CYB5R4: variants seen among roughly 807,000 people sequenced by gnomAD.
The protein encoded by CYB5R4 is N-terminal cytochrome b5 and cytochrome b5 oxidoreductase domain-containing protein.
In CYB5R4, 55 loss-of-function variants were observed where a neutral mutation model predicts 70.2. That is an observed-to-expected ratio of 0.78 (90% CI 0.63 to 0.98). The LOEUF is 0.98. Ranked by LOEUF, CYB5R4 falls within the 50% of genes least tolerant of loss-of-function variation. CYB5R4 has a pLI of 0.00. For missense variants in CYB5R4, 562 were observed against 612.6 expected, an observed-to-expected ratio of 0.92 and a Z score of 0.87; for synonymous variants, 197 against 199.5, an observed-to-expected ratio of 0.99 and a Z score of 0.11.
At chr6:83,919,182 G>A (rs2099465971) in intron 6 of CYB5R4, among the ~76,000 whole-genome samples, 2 of 152,090 alleles carry the variant, frequency 1.3e-5, no homozygotes, top group African/African-American at 4.8e-5. Flanking sequence ...ACTCAAGTGG[G>A]AATACATGGA....
At chr6:83,934,823 AAG>A (rs1426418218) in intron 11 of CYB5R4, 88 bp downstream of exon 11, 1 of 1,226,956 alleles carries the variant, frequency 8.2e-7, no homozygotes, top group Non-Finnish European at 1.1e-6. Context: ...ACAACCATTT[AAG>A]TTATTAATAA....
rs1562850847 is a variant in CYB5R4 at position 83,965,948 on chromosome 6, CGCCATGATTCTGAG to C, written c.*6074_*6087del. The C allele has an allele frequency of 2.8e-4, 43 of 152,374 alleles. No individual in the cohort carries two copies. The highest frequency in any genetic ancestry group is 1.0e-3 in the African/African-American group (42 of 41,538). 9.4% of individuals were successfully genotyped at this position (152,374 alleles called of 1,614,324 possible). On this transcript the variant is annotated 3_prime_UTR_variant, in exon 16 of 16. Coordinates refer to ENST00000369681, the MANE Select transcript of CYB5R4 (RefSeq NM_016230.4). ...CCTGTAAGAAGTATTTTTAACCTACCGCCATGATTCTGAGGCCTCCCCAGCCATGTGGAACTATA... is the reference window on the plus strand; with the variant it reads ...CCTGTAAGAAGTATTTTTAACCTACCGCCTCCCCAGCCATGTGGAACTATA...
intron 14 of CYB5R4, among the ~76,000 whole-genome samples, chr6:83,944,840 G>A (rs1417395418): frequency 6.6e-6 from 1 of 151,606 alleles, no homozygotes; most frequent in African/African-American, 2.4e-5. Context: ...AAAGACAAGG[G>A]CATTACATAA....
intron 10 of CYB5R4, among the ~76,000 whole-genome samples, chr6:83,927,804 C>G (rs1001401516): frequency 6.6e-6 from 1 of 151,820 alleles, no homozygotes; most frequent in African/African-American, 2.4e-5. Flanking sequence ...GCTCAACTTT[C>G]AGCCTGTCCT....
intron 2 of CYB5R4, among the ~76,000 whole-genome samples, chr6:83,877,075 C>A (rs1211365157): frequency 6.6e-6 from 1 of 152,174 alleles, no homozygotes; most frequent in Non-Finnish European, 1.5e-5. Flanking sequence ...TGTGATCCAC[C>A]CGCCTCGGCC....
intron 15 of CYB5R4, among the ~76,000 whole-genome samples, chr6:83,958,417 T>G (rs2099472778): frequency 6.6e-6 from 1 of 152,072 alleles, no homozygotes; most frequent in South Asian, 2.1e-4. Context: ...ATGTGTGTGT[T>G]GGAGAGACAG....
At chr6:83,861,667 T>C (rs2099455950) in intron 1 of CYB5R4, among the ~76,000 whole-genome samples, 1 of 152,220 alleles carries the variant, frequency 6.6e-6, no homozygotes, top group African/African-American at 2.4e-5. Flanking sequence ...TGCCTTGCCA[T>C]AGGATGGCAT....
At chr6:83,931,795 A>G (rs1395365633) in intron 10 of CYB5R4, among the ~76,000 whole-genome samples, 2 of 121,222 alleles carry the variant, frequency 1.6e-5, no homozygotes, top group Non-Finnish European at 3.3e-5. Flanking sequence ...TTGTTTATAT[A>G]TATATATATT....
chr6:83,936,425 C>T lies in CYB5R4; in HGVS notation c.1108+49C>T, dbSNP rs2099468940. 5.3e-6 allele frequency: 8 copies of T among 1,513,394 alleles called. No individual in the cohort carries two copies. In the African/African-American group the frequency reaches 5.6e-5, roughly 11 times the overall value. The allele number at this position is 1,513,394 out of a possible 1,614,324, so 93.7% of individuals were successfully genotyped here. ...ACCTCATTTGTGCTCTAGATTGGATCACATTGTCCTCTAGTTATCTCCATG... is the reference window on the plus strand; with the variant it reads ...ACCTCATTTGTGCTCTAGATTGGATTACATTGTCCTCTAGTTATCTCCATG... On this transcript the variant is annotated intron_variant, in intron 12 of 15. Coordinates refer to ENST00000369681, the MANE Select transcript of CYB5R4 (RefSeq NM_016230.4).
chr6:83,932,234 G>A (rs2099468271), intron 10 of CYB5R4, among the ~76,000 whole-genome samples: 2 of 152,110 alleles, frequency 1.3e-5, no homozygotes, highest in Admixed American at 1.3e-4. Flanking sequence ...TGAAATTATA[G>A]TCAGGCTTCT....
chr6:83,869,223 A>T (rs578217723), intron 2 of CYB5R4, among the ~76,000 whole-genome samples: 196 of 152,330 alleles, frequency 1.3e-3, no homozygotes, highest in African/African-American at 4.3e-3. Context: ...TAGTCCTGTT[A>T]TATTTCCATT....
At chr6:83,899,833 G>A (rs1588569311) in intron 3 of CYB5R4, among the ~76,000 whole-genome samples, 1 of 151,966 alleles carries the variant, frequency 6.6e-6, no homozygotes, top group East Asian at 1.9e-4. Context: ...ATTTTTTATT[G>A]CATCTATTTG....
chr6:83,930,600 T>C (rs1489098885), intron 10 of CYB5R4, among the ~76,000 whole-genome samples: 1 of 152,160 alleles, frequency 6.6e-6, no homozygotes, highest in East Asian at 1.9e-4. Context: ...CCACCACATC[T>C]GCAGTTACTT....
intron 3 of CYB5R4, among the ~76,000 whole-genome samples, chr6:83,900,986 A>G (rs1401352837): frequency 6.6e-6 from 1 of 152,156 alleles, no homozygotes; most frequent in Non-Finnish European, 1.5e-5. Context: ...TAATATTGTT[A>G]TGTGTGAATT....
At chr6:83,924,629 C>T in intron 10 of CYB5R4, 37 bp downstream of exon 10, 1 of 1,596,926 alleles carries the variant, frequency 6.3e-7, no homozygotes, top group South Asian at 1.1e-5. Flanking sequence ...ATTTCACATT[C>T]ATGAAATTGT....
Position 83,957,898 on chromosome 6 carries a change from C to CTTA in CYB5R4, c.1512-1924_1512-1922dup, listed in dbSNP as rs772823655. ...AGTTAGGACTCATTTCTTTGGTTTC[C>CTTA]TTATCCTCATCATCTTAATGGATGT... On this transcript the variant is annotated intron_variant, in intron 15 of 15. Transcript: ENST00000369681. Among the ~76,000 whole-genome samples the CTTA allele has an allele frequency of 9.9e-4, 150 of 152,266 alleles. 1 individual carries two copies. Among genetic ancestry groups the CTTA allele is most frequent in the African/African-American group, 3.2e-3 (135 of 41,564 alleles).
Position 83,959,807 on chromosome 6 carries a change from TTTTA to T in CYB5R4, c.1512-13_1512-10del. 1.9e-6 allele frequency: 3 copies of T among 1,590,276 alleles called. No homozygotes were observed. Among genetic ancestry groups the T allele is most frequent in the South Asian group, 1.2e-5 (1 of 86,792 alleles). On this transcript the variant is annotated splice_polypyrimidine_tract_variant and intron_variant, in intron 15 of 15. Transcript: ENST00000369681. The stretch of plus-strand genomic sequence containing the variant: ...GCATTTTCCCTAAGAAACATGTGCT[TTTTA>T]TTTGTTTTTCAGGTTGCTGCATGAT...
At position 83,961,216 on chromosome 6, in the gene CYB5R4, CCAT is replaced by C. The variant is rs919662607; in HGVS notation, c.*1345_*1347del. On this transcript the variant is annotated 3_prime_UTR_variant, in exon 16 of 16. Transcript: ENST00000369681. ...CCTCTGTCTTCTGTAGCCAATTCCA[CCAT>C]CATCATTATTCACAAAGACAGGAAT... 3 of 152,194 alleles carry C rather than the reference CCAT, an allele frequency of 2.0e-5. No individual in the cohort carries two copies. The highest frequency in any genetic ancestry group is 7.2e-5 in the African/African-American group (3 of 41,442). The allele number at this position is 152,194 out of a possible 1,614,324, so 9.4% of individuals were successfully genotyped here.
intron 14 of CYB5R4, among the ~76,000 whole-genome samples, chr6:83,946,772 CAAT>C (rs745331441): frequency 4.9e-4 from 74 of 151,712 alleles, no homozygotes; most frequent in Non-Finnish European, 1.0e-3. Context: ...TCCTATACAC[CAAT>C]AATAGAGAGC....
Sources: allele counts gnomAD v4.1 joint callset (sites outside exome capture counted in the v4.1 genomes callset), GRCh38; gene constraint gnomAD v4.1.1; transcripts MANE v1.5; gene names NCBI Gene and HGNC (gene_info 2026-07-23, HGNC 2026-07-21).